Variants in AKAP6 observed in about 807,000 individuals in gnomAD.
AKAP6 encodes the protein A-kinase anchoring protein 6, also known as A-kinase anchor protein 6.
Under a neutral mutation model 188.5 loss-of-function variants are expected in AKAP6, and 58 were observed. The observed-to-expected ratio is 0.31, with a 90% CI of 0.25 to 0.38. The LOEUF (loss-of-function observed/expected upper bound fraction) is 0.38, where lower values mean the gene tolerates loss of function less well. AKAP6 is among the 10% of genes least tolerant of loss of function. The pLI, the probability that AKAP6 is intolerant of heterozygous loss-of-function variation, is 1.00. For missense variants in AKAP6, 2,710 were observed against 2,740.0 expected (o/e 0.99, Z 0.24); for synonymous variants, 989 against 998.6 (o/e 0.99, Z 0.18).
intron 9 of AKAP6, among the ~76,000 whole-genome samples, chr14:32,723,410 A>G (rs1356080500): frequency 6.6e-6 from 1 of 152,146 alleles, no homozygotes; most frequent in Non-Finnish European, 1.5e-5. Context: ...TTTAGAGTCT[A>G]TTATCATCTG....
intron 7 of AKAP6, among the ~76,000 whole-genome samples, chr14:32,645,242 G>T (rs564578863): frequency 6.6e-6 from 1 of 152,034 alleles, no homozygotes; most frequent in Non-Finnish European, 1.5e-5. Context: ...AAGCTATTTC[G>T]TCCTAGAAGG....
intron 13 of AKAP6, among the ~76,000 whole-genome samples, chr14:32,829,029 A>C (rs554724209): frequency 3.9e-5 from 6 of 152,320 alleles, no homozygotes; most frequent in East Asian, 1.9e-4. Context: ...AGCCCAGACA[A>C]GCAAAAGCCT....
intron 5 of AKAP6, among the ~76,000 whole-genome samples, chr14:32,584,539 A>C (rs989335360): frequency 3.9e-5 from 6 of 152,206 alleles, no homozygotes; most frequent in African/African-American, 1.2e-4. Flanking sequence ...CAATCTGACA[A>C]ATATATACAC....
intron 7 of AKAP6, among the ~76,000 whole-genome samples, chr14:32,607,387 T>A (rs1325168981): frequency 2.6e-5 from 4 of 152,190 alleles, no homozygotes; most frequent in Non-Finnish European, 5.9e-5. Context: ...CACTTTGCTG[T>A]CTTCCTCATG....
chr14:32,762,756 A>C (rs1566693978), intron 11 of AKAP6, among the ~76,000 whole-genome samples: 1 of 152,108 alleles, frequency 6.6e-6, no homozygotes, highest in Non-Finnish European at 1.5e-5. Context: ...TATTCATCCA[A>C]GGATCTTCAA....
intron 2 of AKAP6, among the ~76,000 whole-genome samples, chr14:32,454,557 C>A (rs1566511869): frequency 6.6e-6 from 1 of 152,160 alleles, no homozygotes; most frequent in Non-Finnish European, 1.5e-5. Flanking sequence ...AATGAGGTCA[C>A]ATGAGGCAAG....
chr14:32,677,232 C>T (rs1889468794), intron 7 of AKAP6, among the ~76,000 whole-genome samples: 1 of 152,162 alleles, frequency 6.6e-6, no homozygotes, highest in Non-Finnish European at 1.5e-5. Flanking sequence ...GTAGTCGAGG[C>T]TATAAAACTA....
intron 2 of AKAP6, among the ~76,000 whole-genome samples, chr14:32,454,237 T>A (rs555636158): frequency 4.6e-5 from 7 of 152,308 alleles, no homozygotes; most frequent in Non-Finnish European, 8.8e-5. Context: ...TTAAAAAATA[T>A]ATCTGATAGA....
intron 7 of AKAP6, among the ~76,000 whole-genome samples, chr14:32,673,416 G>A (rs1231646515): frequency 1.3e-5 from 2 of 152,174 alleles, no homozygotes; most frequent in East Asian, 3.9e-4. Context: ...ATATGAGAAA[G>A]TCTCAGTAAA....
intron 2 of AKAP6, among the ~76,000 whole-genome samples, chr14:32,457,373 G>C (rs972530734): frequency 1.3e-5 from 2 of 152,144 alleles, no homozygotes; most frequent in African/African-American, 4.8e-5. Context: ...CTTCTTCACT[G>C]TTTGGCTTCA....
intron 5 of AKAP6, 59 bp from the exon 6 acceptor site, chr14:32,599,351 A>T: frequency 1.4e-6 from 2 of 1,406,844 alleles, no homozygotes; most frequent in South Asian, 2.5e-5. Flanking sequence ...GTAATTTTAT[A>T]TGGATGTTTT....
intron 3 of AKAP6, among the ~76,000 whole-genome samples, chr14:32,539,491 G>A (rs1045590180): frequency 6.6e-6 from 1 of 152,040 alleles, no homozygotes; most frequent in African/African-American, 2.4e-5. Flanking sequence ...ATCTCCCACA[G>A]CACATAGTTC....
At chr14:32,464,282 A>G (rs1194004513) in intron 2 of AKAP6, among the ~76,000 whole-genome samples, 1 of 152,172 alleles carries the variant, frequency 6.6e-6, no homozygotes, top group Admixed American at 6.5e-5. Flanking sequence ...CCTGGCAGGG[A>G]CACAACAAAA....
At chr14:32,543,903 C>G (rs558856030) in intron 3 of AKAP6, among the ~76,000 whole-genome samples, 1 of 152,084 alleles carries the variant, frequency 6.6e-6, no homozygotes, top group Non-Finnish European at 1.5e-5. Context: ...AGTAATCAAC[C>G]ATCATCATTT....
At chr14:32,446,343 GC>G (rs1890754714) in intron 2 of AKAP6, among the ~76,000 whole-genome samples, 3 of 152,098 alleles carry the variant, frequency 2.0e-5, no homozygotes, top group Admixed American at 1.3e-4. Flanking sequence ...TGAGTAACGA[GC>G]TAGGTAAATA....
intron 7 of AKAP6, among the ~76,000 whole-genome samples, chr14:32,609,892 C>CTG (rs1886283564): frequency 2.0e-4 from 20 of 98,208 alleles, no homozygotes; most frequent in African/African-American, 4.7e-4. Context: ...CACACACACA[C>CTG]ACACACACAC....
At position 32,396,222 on chromosome 14, in the gene AKAP6, C is replaced by T. The variant is rs75862531; in HGVS notation, c.-34-37238C>T. On this transcript the variant is annotated intron_variant, in intron 1 of 13. Coordinates refer to ENST00000280979, the MANE Select transcript of AKAP6 (RefSeq NM_004274.5). ...GAAATATGATAAATTTCACTCCAGA[C>T]TGATTGCAATTCAATGCTGAGGGGT... Among the ~76,000 whole-genome samples, 162 of 152,294 alleles carry T rather than the reference C, an allele frequency of 1.1e-3. 2 individuals are homozygous for T. Among genetic ancestry groups the T allele is most frequent in the Non-Finnish European group, 1.7e-3 (115 of 68,032 alleles).
intron 12 of AKAP6, among the ~76,000 whole-genome samples, chr14:32,789,059 G>A (rs1268908191): frequency 6.6e-6 from 1 of 152,180 alleles, no homozygotes; most frequent in Non-Finnish European, 1.5e-5. Flanking sequence ...CAAACCGTAT[G>A]AACAAGGAAG....
intron 3 of AKAP6, among the ~76,000 whole-genome samples, chr14:32,543,432 T>G (rs1310924381): frequency 6.6e-6 from 1 of 152,234 alleles, no homozygotes; most frequent in South Asian, 2.1e-4. Context: ...ACATTTTCTT[T>G]ATCCATTCAC....
Sources: gnomAD v4.1 joint callset for allele counts (sites outside exome capture counted in the v4.1 genomes callset) on GRCh38, gnomAD v4.1.1 for gene constraint, MANE v1.5 for transcripts, NCBI Gene and HGNC (gene_info 2026-07-23, HGNC 2026-07-21) for gene names.